FOXN1: variants seen among roughly 807,000 people sequenced by gnomAD.
FOXN1 encodes the protein forkhead box N1, also known as forkhead box protein N1.
Under a neutral mutation model 49.0 loss-of-function variants are expected in FOXN1, and 15 were observed. The observed-to-expected ratio is 0.31, with a 90% CI of 0.20 to 0.47. The LOEUF (loss-of-function observed/expected upper bound fraction) is 0.47, where lower values mean the gene tolerates loss of function less well. Ranked by LOEUF, FOXN1 falls within the 20% of genes least tolerant of loss-of-function variation. The probability of loss-of-function intolerance (pLI) is 1.00; values close to 1 mark genes in which losing one functional copy is unlikely to be tolerated. For missense variants in FOXN1, 800 were observed against 842.8 expected (o/e 0.95, Z 0.63); for synonymous variants, 356 against 369.0 (o/e 0.96, Z 0.40).
chr17:28,521,232 C>T (rs2069634312), intron 1 of FOXN1, among the ~76,000 whole-genome samples: 2 of 152,228 alleles, frequency 1.3e-5, no homozygotes, highest in Non-Finnish European at 2.9e-5. Flanking sequence ...TTCAGCTGGG[C>T]TTGACTCCAA....
chr17:28,515,250 C>T (rs1369556365), intron 1 of FOXN1, among the ~76,000 whole-genome samples: 1 of 151,958 alleles, frequency 6.6e-6, no homozygotes, highest in Non-Finnish European at 1.5e-5. Context: ...ACAGGGTACA[C>T]ACCTCTATGA....
In FOXN1 at chr17:28,530,750, A is replaced by C; in HGVS notation, c.832A>C (p.Ile278Leu). ...CTCAGGGGCTTTCTCTTTCTTCAGC[A>C]TCCTCATCTTCATGGCCCTTAAGAA... Reference protein sequence around the residue: ...LFPKPIYSYSILIFMALKNSK... With the variant: ...LFPKPIYSYSLLIFMALKNSK... Residue 278 changes from isoleucine (I) to leucine (L), a missense_variant and splice_region_variant, in exon 6 of 9, where the codon ATC (isoleucine) becomes CTC (leucine). Transcript: ENST00000579795. 7.3e-6 allele frequency: 11 copies of C among 1,504,092 alleles called. No homozygotes were observed. The highest frequency in any genetic ancestry group is 1.0e-5 in the Non-Finnish European group (11 of 1,080,040). 93.2% of individuals were successfully genotyped at this position (1,504,092 alleles called of 1,614,324 possible). A position where few individuals can be genotyped will look rare whatever the true frequency, so the allele number is the denominator to read the frequency against.
At chr17:28,533,218 G>T (rs562748496) in intron 6 of FOXN1, among the ~76,000 whole-genome samples, 1 of 152,292 alleles carries the variant, frequency 6.6e-6, no homozygotes, top group South Asian at 2.1e-4. Context: ...TGGGCTGAAA[G>T]GGGGAGGGGC....
chr17:28,527,214 A>C, intron 3 of FOXN1, 37 bp from the exon 4 acceptor site: 1 of 1,359,694 alleles, frequency 7.4e-7, no homozygotes, highest in Non-Finnish European at 1.1e-6. Flanking sequence ...GGGAGAAAAT[A>C]AGGCCTAATC....
intron 6 of FOXN1, among the ~76,000 whole-genome samples, chr17:28,533,380 C>G (rs2069961462): frequency 6.6e-6 from 1 of 152,154 alleles, no homozygotes; most frequent in African/African-American, 2.4e-5. Flanking sequence ...CGCCTCTCAC[C>G]CAACTGAGTC....
chr17:28,524,848 G>A lies in FOXN1; in HGVS notation c.469G>A (p.Ala157Thr). ...HSFKTPGPLEAFEEIPVDVAE... is the reference protein window; with the variant it reads ...HSFKTPGPLETFEEIPVDVAE... ...CTTTAAGACCCCAGGGCCGCTGGAG[G>A]CCTTCGAGGAGATCCCAGTGGACGT... The change falls in exon 3 of 9, where the codon GCC (alanine) becomes ACC (threonine). Residue 157 changes from alanine (A) to threonine (T), a missense_variant. Physicochemically the swap from Ala to Thr is moderately conservative, Grantham distance 58 (BLOSUM62 0). Coordinates refer to ENST00000579795, the MANE Select transcript of FOXN1 (RefSeq NM_001369369.1). The A allele has an allele frequency of 6.2e-7, 1 of 1,613,788 alleles. No homozygotes were observed. Among genetic ancestry groups the A allele is most frequent in the Non-Finnish European group, 8.5e-7 (1 of 1,180,014 alleles).
intron 1 of FOXN1, among the ~76,000 whole-genome samples, chr17:28,510,908 A>G (rs2069382365): frequency 6.6e-6 from 1 of 152,244 alleles, no homozygotes; most frequent in South Asian, 2.1e-4. Context: ...GAGGGTGGTC[A>G]AGGGAGAAAG....
intron 1 of FOXN1, among the ~76,000 whole-genome samples, chr17:28,523,630 G>A (rs1053169293): frequency 1.3e-5 from 2 of 152,268 alleles, no homozygotes; most frequent in Non-Finnish European, 2.9e-5. Context: ...CTGGGAGCCG[G>A]GGTTTCACTG....
At chr17:28,528,973 T>C (rs1290620123) in intron 4 of FOXN1, 121 bp from the exon 5 acceptor site, 2 of 1,321,648 alleles carry the variant, frequency 1.5e-6, no homozygotes. Flanking sequence ...ATGGGGCCCA[T>C]GACCCAGGAG....
chr17:28,523,907 C>G (rs1417444394), intron 1 of FOXN1, 49 bp from the exon 2 acceptor site: 40 of 1,607,170 alleles, frequency 2.5e-5, no homozygotes, highest in Non-Finnish European at 3.4e-5. Context: ...CTGGGTTGGT[C>G]CCCACTGGAT....
chr17:28,531,966 G>T (rs925656302), intron 6 of FOXN1, among the ~76,000 whole-genome samples: 3 of 152,094 alleles, frequency 2.0e-5, no homozygotes, highest in Non-Finnish European at 4.4e-5. Flanking sequence ...AAAGAGGGAG[G>T]GAGGTGAGTC....
Position 28,524,778 on chromosome 17 carries a change from C to T in FOXN1, c.399C>T (p.Asp133=), listed in dbSNP as rs368547887. ...CGTACAAGCGGCCTTTCCATGAGGA[C>T]GTCTTCCCAGAGGCCGAGACCACCC... ...FHPYKRPFHE[D]VFPEAETTLA... Residue 133 remains aspartate, a synonymous_variant, in exon 3 of 9, where the codon GAC becomes GAT. Coordinates refer to ENST00000579795, the MANE Select transcript of FOXN1 (RefSeq NM_001369369.1). The T allele has an allele frequency of 1.9e-6, 3 of 1,613,416 alleles. No homozygotes were observed. Among genetic ancestry groups the T allele is most frequent in the Admixed American group, 1.7e-5 (1 of 59,964 alleles).
At chr17:28,533,250 C>A (rs892683616) in intron 6 of FOXN1, among the ~76,000 whole-genome samples, 1 of 152,148 alleles carries the variant, frequency 6.6e-6, no homozygotes, top group African/African-American at 2.4e-5. Context: ...GGCGAAGGAG[C>A]CCCACCGGCC....
chr17:28,531,455 C>G (rs190193517), intron 6 of FOXN1, among the ~76,000 whole-genome samples: 3 of 152,284 alleles, frequency 2.0e-5, no homozygotes, highest in African/African-American at 7.2e-5. Flanking sequence ...TTCTGGGAGC[C>G]TTACCCAGCT....
At chr17:28,518,312 A>G (rs980327628) in intron 1 of FOXN1, among the ~76,000 whole-genome samples, 11 of 152,230 alleles carry the variant, frequency 7.2e-5, no homozygotes, top group Non-Finnish European at 1.2e-4. Context: ...CTTATAGAGG[A>G]ACTGAAGTAC....
intron 1 of FOXN1, among the ~76,000 whole-genome samples, chr17:28,519,417 GA>G (rs2069595634): frequency 6.6e-6 from 1 of 152,176 alleles, no homozygotes; most frequent in Non-Finnish European, 1.5e-5. Flanking sequence ...GTCTGCCAGT[GA>G]GAGCCTCAGC....
intron 1 of FOXN1, among the ~76,000 whole-genome samples, chr17:28,513,587 G>T (rs1335856771): frequency 6.6e-6 from 1 of 152,230 alleles, no homozygotes; most frequent in Non-Finnish European, 1.5e-5. Flanking sequence ...TGCTAGGAAG[G>T]GCCTGTGGTC....
intron 4 of FOXN1, among the ~76,000 whole-genome samples, chr17:28,527,960 G>A (rs1248299167): frequency 6.6e-6 from 1 of 152,232 alleles, no homozygotes; most frequent in Non-Finnish European, 1.5e-5. Context: ...GGATGGAGGA[G>A]TTTTAAAGGA....
chr17:28,537,347 T>C lies in FOXN1; in HGVS notation c.1858T>C (p.Phe620Leu). The C allele has an allele frequency of 6.2e-7, 1 of 1,613,170 alleles. No individual in the cohort carries two copies. The highest frequency in any genetic ancestry group is 8.5e-7 in the Non-Finnish European group (1 of 1,179,558). Residue 620 changes from phenylalanine (F) to leucine (L), a missense_variant, in exon 9 of 9, where the codon TTT (phenylalanine) becomes CTT (leucine). Phe to Leu is a conservative substitution (Grantham distance 22, BLOSUM62 0). Around this residue, in one of 3 missense-constraint regions of FOXN1, gnomAD observed 344 missense variants for 366.1 expected, o/e 0.94. Coordinates refer to ENST00000579795, the MANE Select transcript of FOXN1 (RefSeq NM_001369369.1). ...DLHLTTLYSA[F>L]MELEPTPPTA... ...GCACCTCACCACCCTCTACTCTGCC[T>C]TTATGGAGCTGGAGCCCACGCCCCC...
Sources: allele counts gnomAD v4.1 joint callset (sites outside exome capture counted in the v4.1 genomes callset), GRCh38; gene constraint gnomAD v4.1.1; regional missense constraint gnomAD v4.1.1; transcripts MANE v1.5; gene names NCBI Gene and HGNC (gene_info 2026-07-23, HGNC 2026-07-21).